ELMO2: variants seen among roughly 807,000 people sequenced by gnomAD.
ELMO2 encodes the protein engulfment and cell motility protein 2.
In ELMO2, 37 loss-of-function variants were observed where a neutral mutation model predicts 96.2. That is an observed-to-expected ratio of 0.38 (90% CI 0.30 to 0.51). ELMO2 has a LOEUF of 0.51. Among genes scored for constraint, ELMO2 ranks in the 20% least tolerant of loss-of-function variants. The pLI is 0.88. For missense variants in ELMO2, 561 were observed against 912.6 expected (o/e 0.61, Z 4.96); for synonymous variants, 315 against 329.4 (o/e 0.96, Z 0.47).
Position 46,371,286 on chromosome 20 carries a change from G to A in ELMO2, c.1801+66C>T. On this transcript the variant is annotated intron_variant, in intron 19 of 21. Transcript: ENST00000290246. This position sits in a 1 kb window ranked among gnomAD's most constrained non-coding sequence, Gnocchi z 5.9. ...CCCAGATGATCAGCTACAAACAGCT[G>A]GACTAGAACTCCTGTCTCCTGACAA... is the stretch of plus-strand genomic sequence containing the variant. 2 of 1,495,012 alleles carry A rather than the reference G, an allele frequency of 1.3e-6. No homozygotes were observed. The highest frequency in any genetic ancestry group is 1.9e-6 in the Non-Finnish European group (2 of 1,075,834). 92.6% of individuals were successfully genotyped at this position (1,495,012 alleles called of 1,614,324 possible).
intron 16 of ELMO2, 116 bp from the exon 17 acceptor site, chr20:46,372,085 A>G (rs1268838895): frequency 1.6e-4 from 204 of 1,304,380 alleles, no homozygotes; most frequent in Middle Eastern, 2.7e-4. Flanking sequence ...CAGGCACTAC[A>G]GACATCTGCT....
At chr20:46,392,227 T>C (rs2060162985) in intron 6 of ELMO2, among the ~76,000 whole-genome samples, 2 of 152,220 alleles carry the variant, frequency 1.3e-5, no homozygotes, top group Admixed American at 1.3e-4. Flanking sequence ...TGGTGTTCTT[T>C]CTACCCTTCT....
At chr20:46,403,211 G>A (rs1287034275) in intron 1 of ELMO2, among the ~76,000 whole-genome samples, 2 of 152,226 alleles carry the variant, frequency 1.3e-5, no homozygotes, top group Non-Finnish European at 2.9e-5. Context: ...GAGAGCATAT[G>A]TGAAGGCAGT....
chr20:46,376,615 CCTGT>C, intron 11 of ELMO2: 2 of 1,289,032 alleles, frequency 1.6e-6, no homozygotes, highest in South Asian at 2.5e-5. Context: ...TGATTACATT[CCTGT>C]CTCTCACCAT....
At chr20:46,372,008 C>G in intron 16 of ELMO2, 39 bp from the exon 17 acceptor site, 1 of 1,611,642 alleles carries the variant, frequency 6.2e-7, no homozygotes, top group Non-Finnish European at 8.5e-7. Context: ...CACCACTACT[C>G]TTGAGAAATG....
intron 11 of ELMO2, chr20:46,379,788 C>T (rs1256489840): frequency 6.5e-6 from 1 of 153,832 alleles, no homozygotes; most frequent in East Asian, 1.9e-4. Flanking sequence ...TCCATCCTTT[C>T]CTAGACCACA....
At chr20:46,396,835 T>C (rs1410457183) in intron 2 of ELMO2, among the ~76,000 whole-genome samples, 1 of 152,188 alleles carries the variant, frequency 6.6e-6, no homozygotes, top group Non-Finnish European at 1.5e-5. Flanking sequence ...TTTCTTCTAT[T>C]GAAAGATGTG....
rs184060682 is a variant in ELMO2 at position 46,393,220 on chromosome 20, A to T, written c.193-77T>A. 1.9e-5 allele frequency: 28 copies of T among 1,439,122 alleles called. No homozygotes were observed. In the African/African-American group the frequency reaches 3.1e-4, roughly 16 times the overall value. 89.1% of individuals were successfully genotyped at this position (1,439,122 alleles called of 1,614,324 possible). On this transcript the variant is annotated intron_variant, in intron 5 of 21. Transcript: ENST00000290246. The stretch of plus-strand genomic sequence containing the variant: ...GGTACAAGCAAGTTGAATCAACAAT[A>T]ATGTTTTGTCTTTTTTACAGTAGAT...
chr20:46,387,268 G>A, intron 8 of ELMO2, 70 bp downstream of exon 8: 1 of 1,352,058 alleles, frequency 7.4e-7, no homozygotes. Flanking sequence ...GATATTGCCT[G>A]TATCTCCCCT....
chr20:46,388,882 T>C (rs958851637), intron 7 of ELMO2, among the ~76,000 whole-genome samples, 157 bp downstream of exon 7: 1 of 152,222 alleles, frequency 6.6e-6, no homozygotes, highest in Non-Finnish European at 1.5e-5. Context: ...TATGGAATTA[T>C]ATATCTTGGT....
At chr20:46,400,656 A>G (rs2060320819) in intron 1 of ELMO2, among the ~76,000 whole-genome samples, 1 of 152,274 alleles carries the variant, frequency 6.6e-6, no homozygotes, top group African/African-American at 2.4e-5. Context: ...AAATGCTACA[A>G]AACAGGAGAC....
intron 21 of ELMO2, among the ~76,000 whole-genome samples, chr20:46,367,968 G>A (rs537558733): frequency 4.0e-5 from 6 of 151,838 alleles, no homozygotes; most frequent in African/African-American, 7.2e-5. Context: ...CCGCCCCCCC[G>A]AAAACAAAAT....
chr20:46,393,035 T>G, intron 6 of ELMO2, 58 bp downstream of exon 6: 1 of 1,455,818 alleles, frequency 6.9e-7, no homozygotes, highest in South Asian at 1.1e-5. Context: ...TGGCCCATGG[T>G]AGGTGCTCAT....
intron 6 of ELMO2, among the ~76,000 whole-genome samples, chr20:46,391,397 T>C (rs1450443303): frequency 4.6e-5 from 7 of 152,160 alleles, no homozygotes; most frequent in Non-Finnish European, 1.0e-4. Flanking sequence ...CTGTAAAGAT[T>C]AGATGATTTA....
rs756537412 is a variant in ELMO2, at chr20:46,389,077, C to G, written c.387G>C (p.Leu129=). The change falls in exon 7 of 22, where the codon CTG becomes CTC. Residue 129 remains leucine, a synonymous_variant. Coordinates refer to ENST00000290246, the MANE Select transcript of ELMO2 (RefSeq NM_133171.5). The stretch of plus-strand genomic sequence containing the variant: ...TGGTTCCACTTTCCACGAGCCTTGT[C>G]AGCACAATGATGCCATCCATGTTGA... ...EFINMDGIIV[L]TRLVESGTKL... 5 of 1,614,096 alleles carry G rather than the reference C, an allele frequency of 3.1e-6. No homozygotes were observed. The highest frequency in any genetic ancestry group is 4.2e-6 in the Non-Finnish European group (5 of 1,179,984).
intron 1 of ELMO2, among the ~76,000 whole-genome samples, chr20:46,405,744 C>T (rs1344829398): frequency 6.6e-6 from 1 of 152,086 alleles, no homozygotes; most frequent in Non-Finnish European, 1.5e-5. Flanking sequence ...ATTAGCTGGG[C>T]GTGGTGGCAG....
Position 46,371,524 on chromosome 20 carries a change from G to A in ELMO2, c.1693+55C>T. ...TACTGGGAAAGGCCTGGGCACAAAA[G>A]GGGCCATCCAGGCAGGCTCTTCCCG... On this transcript the variant is annotated intron_variant, in intron 18 of 21. Transcript: ENST00000290246. This position sits in a 1 kb window ranked among gnomAD's most constrained non-coding sequence, Gnocchi z 5.9. The A allele has an allele frequency of 6.2e-7, 1 of 1,607,098 alleles. No homozygotes were observed. Among genetic ancestry groups the A allele is most frequent in the South Asian group, 1.1e-5 (1 of 90,770 alleles).
Position 46,366,065 on chromosome 20 carries a change from G to C in ELMO2, c.*1295C>G, listed in dbSNP as rs995477969. The C allele has an allele frequency of 6.6e-6, 1 of 152,590 alleles. No homozygotes were observed. The highest frequency in any genetic ancestry group is 1.5e-5 in the Non-Finnish European group (1 of 68,038). The allele number at this position is 152,590 out of a possible 1,614,324, so 9.5% of individuals were successfully genotyped here. On this transcript the variant is annotated 3_prime_UTR_variant, in exon 22 of 22. Coordinates refer to ENST00000290246, the MANE Select transcript of ELMO2 (RefSeq NM_133171.5). ...GGAACCACAGTTTGTACATGAAAGA[G>C]TATTTATTGAAAACATGGTTACTGA... is the stretch of plus-strand genomic sequence containing the variant.
chr20:46,394,189 G>A (rs2060205789), intron 3 of ELMO2, 100 bp from the exon 4 acceptor site: 8 of 1,224,706 alleles, frequency 6.5e-6, no homozygotes, highest in South Asian at 3.7e-5. Context: ...TGGGGCATGA[G>A]AATGAACTTC....
Sources: allele counts gnomAD v4.1 joint callset (sites outside exome capture counted in the v4.1 genomes callset), GRCh38; gene constraint gnomAD v4.1.1; non-coding constraint Gnocchi (gnomAD v3.1); transcripts MANE v1.5; gene names NCBI Gene and HGNC (gene_info 2026-07-23, HGNC 2026-07-21).